The following GLRB variants were observed in gnomAD, a reference collection of about 807,000 sequenced individuals.
GLRB encodes the protein glycine receptor beta.
Under a neutral mutation model 54.2 loss-of-function variants are expected in GLRB, and 33 were observed. The observed-to-expected ratio is 0.61, with a 90% confidence interval of 0.46 to 0.81. The LOEUF is 0.81. GLRB is among the 40% of genes least tolerant of loss of function. The pLI is 0.00. For missense variants in GLRB, 572 were observed against 584.6 expected (o/e 0.98, Z 0.22); for synonymous variants, 209 against 208.2 (o/e 1.00, Z -0.03).
rs1736508081 is a variant in GLRB, at chr4:157,138,884, C to T, written c.686C>T (p.Pro229Leu). The T allele has an allele frequency of 6.6e-7, 1 of 1,517,202 alleles. No homozygotes were observed. The highest frequency in any genetic ancestry group is 2.3e-5 in the East Asian group (1 of 44,208). 94.0% of individuals were successfully genotyped at this position (1,517,202 alleles called of 1,614,324 possible). The change falls in exon 7 of 10, where the codon CCT (proline) becomes CTT (leucine). Residue 229 changes from proline to leucine, a missense_variant. By Grantham distance (98) the Pro-to-Leu change is moderately conservative (BLOSUM62 -3). Transcript: ENST00000264428. ...GTGCAATTAGAAAAAATTGCCTTGC[C>T]TCAATTTGATATCAAAAAGGAAGAT... ...DPVQLEKIAL[P>L]QFDIKKEDIE...
chr4:157,089,757 T>G (rs1400619590), intron 2 of GLRB, among the ~76,000 whole-genome samples: 1 of 152,234 alleles, frequency 6.6e-6, no homozygotes, highest in Non-Finnish European at 1.5e-5. Flanking sequence ...TCTTTATCTC[T>G]ATATGTAACT....
At chr4:157,148,583 T>C (rs1736901866) in intron 8 of GLRB, among the ~76,000 whole-genome samples, 1 of 152,228 alleles carries the variant, frequency 6.6e-6, no homozygotes, top group African/African-American at 2.4e-5. Flanking sequence ...TCAGTTGAAA[T>C]ATTTCATAAC....
intron 2 of GLRB, among the ~76,000 whole-genome samples, chr4:157,083,469 C>CA (rs1340568010): frequency 6.6e-6 from 1 of 151,906 alleles, no homozygotes. Flanking sequence ...AGTGGAGGTA[C>CA]GCAGGCACGT....
chr4:157,089,109 G>A (rs1035552517), intron 2 of GLRB, among the ~76,000 whole-genome samples: 1 of 152,168 alleles, frequency 6.6e-6, no homozygotes, highest in African/African-American at 2.4e-5. Flanking sequence ...AAAGATTTCG[G>A]CTGGGTGCCA....
chr4:157,083,189 G>A (rs1040294747), intron 2 of GLRB, among the ~76,000 whole-genome samples: 1 of 151,870 alleles, frequency 6.6e-6, no homozygotes, highest in Non-Finnish European at 1.5e-5. Context: ...AATATTTGCA[G>A]GAGAGAGAAA....
In GLRB at chr4:157,098,657, G is replaced by C. The variant is rs183423274; in HGVS notation, c.122+20511G>C. On this transcript the variant is annotated intron_variant, in intron 2 of 9. Coordinates refer to ENST00000264428, the MANE Select transcript of GLRB (RefSeq NM_000824.5). ...GAGTCTCGCTCTGTCACCCAGGCTGGAGGGCAGTGGCATGATCTCGGCTCA... is the reference window on the plus strand; with the variant it reads ...GAGTCTCGCTCTGTCACCCAGGCTGCAGGGCAGTGGCATGATCTCGGCTCA... Among the ~76,000 whole-genome samples the C allele has an allele frequency of 5.7e-3, 860 of 152,144 alleles. 10 individuals are homozygous for C. The highest frequency in any genetic ancestry group is 0.019 in the African/African-American group (793 of 41,502).
Position 157,152,976 on chromosome 4 carries a change from G to T in GLRB, c.1163G>T (p.Gly388Val). Reference protein sequence around the residue: ...GNVAKKNTVNGTGTPVHISTL... With the variant: ...GNVAKKNTVNVTGTPVHISTL... ...GTGGCTAAAAAGAATACTGTGAATG[G>T]AACAGGGACTCCTGTTCATATTAGC... The change falls in exon 9 of 10, where the codon GGA becomes GTA. Residue 388 changes from glycine to valine, a missense_variant. Physicochemically the swap from Gly to Val is moderately radical, Grantham distance 109. Transcript: ENST00000264428. 1 of 1,613,896 alleles carries T rather than the reference G, an allele frequency of 6.2e-7. No homozygotes were observed. Among genetic ancestry groups the T allele is most frequent in the South Asian group, 1.1e-5 (1 of 91,068 alleles).
intron 8 of GLRB, among the ~76,000 whole-genome samples, chr4:157,147,488 G>A (rs570145044): frequency 5.3e-4 from 80 of 152,174 alleles, no homozygotes; most frequent in Admixed American, 1.7e-3. Context: ...GAGATATTTA[G>A]TATACATAAC....
In GLRB at chr4:157,153,106, T is replaced by C. The variant is rs1737090513; in HGVS notation, c.1197+96T>C. 6.4e-6 allele frequency: 7 copies of C among 1,091,684 alleles called. No individual in the cohort carries two copies. The East Asian group carries it at 1.7e-4, about 27-fold the overall frequency. The allele number at this position is 1,091,684 out of a possible 1,614,324, so 67.6% of individuals were successfully genotyped here. The stretch of plus-strand genomic sequence containing the variant: ...GTGTATGTGACAAGTTTTGATGGAA[T>C]TGGCATTTGCTTGTTTTTCTCTCAC... On this transcript the variant is annotated intron_variant, in intron 9 of 9. Transcript: ENST00000264428.
chr4:157,147,916 A>G (rs1736877032), intron 8 of GLRB, among the ~76,000 whole-genome samples: 1 of 152,206 alleles, frequency 6.6e-6, no homozygotes, highest in Non-Finnish European at 1.5e-5. Context: ...GCAGCCATAG[A>G]CAATATATAA....
intron 7 of GLRB, among the ~76,000 whole-genome samples, chr4:157,142,056 A>G (rs1005705276): frequency 1.3e-5 from 2 of 152,156 alleles, no homozygotes; most frequent in Non-Finnish European, 1.5e-5. Flanking sequence ...TAGTGATACT[A>G]TTACAAAGTC....
intron 2 of GLRB, among the ~76,000 whole-genome samples, chr4:157,103,432 C>T (rs1735111572): frequency 6.6e-6 from 1 of 152,180 alleles, no homozygotes; most frequent in African/African-American, 2.4e-5. Flanking sequence ...AAGTTAAAAT[C>T]TTATGGCAGT....
chr4:157,155,015 T>A (rs149923862), intron 9 of GLRB, among the ~76,000 whole-genome samples: 82 of 152,334 alleles, frequency 5.4e-4, no homozygotes, highest in African/African-American at 1.5e-3. Flanking sequence ...CCATCAAATA[T>A]AATTTAGAAA....
chr4:157,171,477 T>C lies in GLRB; in HGVS notation c.*749T>C, dbSNP rs1421468918. On this transcript the variant is annotated 3_prime_UTR_variant, in exon 10 of 10. Coordinates refer to ENST00000264428, the MANE Select transcript of GLRB (RefSeq NM_000824.5). ...TATTTAATCCACCTTAAAACCTAAA[T>C]GTATTTTCATGGATTTCATTTGTTG... is the stretch of plus-strand genomic sequence containing the variant. 2.6e-5 allele frequency: 4 copies of C among 152,318 alleles called. No individual in the cohort carries two copies. Among genetic ancestry groups the C allele is most frequent in the African/African-American group, 9.7e-5 (4 of 41,442 alleles). 9.4% of individuals were successfully genotyped at this position (152,318 alleles called of 1,614,324 possible).
At chr4:157,146,867 A>G (rs1736832880) in intron 8 of GLRB, among the ~76,000 whole-genome samples, 1 of 152,040 alleles carries the variant, frequency 6.6e-6, no homozygotes. Context: ...GTGGTAGTGA[A>G]GGTTGAGATA....
In GLRB at chr4:157,114,433, C is replaced by G. The variant is rs115312883; in HGVS notation, c.123-6123C>G. Among the ~76,000 whole-genome samples the G allele has an allele frequency of 3.8e-3, 568 of 151,314 alleles. 3 individuals carry two copies. The highest frequency in any genetic ancestry group is 0.01 in the Middle Eastern group (3 of 288). On this transcript the variant is annotated intron_variant, in intron 2 of 9. Transcript: ENST00000264428. ...GGTAGTACAGAGAGTTCCCAAATAC[C>G]CTGCACCTAATTTTCTCTATTTTTA... is the stretch of plus-strand genomic sequence containing the variant.
chr4:157,149,003 A>C (rs982558726), intron 8 of GLRB, among the ~76,000 whole-genome samples: 2 of 152,078 alleles, frequency 1.3e-5, no homozygotes, highest in African/African-American at 4.8e-5. Flanking sequence ...ATCTAAAAAG[A>C]AAAGGAAATA....
intron 4 of GLRB, among the ~76,000 whole-genome samples, chr4:157,122,904 T>C (rs79958602): frequency 5.9e-5 from 9 of 151,682 alleles, no homozygotes; most frequent in African/African-American, 2.2e-4. Context: ...CTTGAAAAGA[T>C]GGTGCAGCAA....
At chr4:157,140,218 C>G (rs1736556859) in intron 7 of GLRB, among the ~76,000 whole-genome samples, 1 of 151,704 alleles carries the variant, frequency 6.6e-6, no homozygotes, top group African/African-American at 2.4e-5. Context: ...AAAAATTTGA[C>G]CATCAAAGTA....
Sources: gnomAD v4.1 joint callset for allele counts (sites outside exome capture counted in the v4.1 genomes callset) on GRCh38, gnomAD v4.1.1 for gene constraint, MANE v1.5 for transcripts, NCBI Gene and HGNC (gene_info 2026-07-23, HGNC 2026-07-21) for gene names.